Variants in SIMC1 observed in about 807,000 individuals in gnomAD.
SIMC1 encodes SUMO-interacting motif-containing protein 1.
SIMC1 carries 55 observed loss-of-function variants against 82.3 expected under a neutral mutation model. The ratio of observed to expected loss-of-function variants is 0.67; its 90% confidence interval spans 0.54 to 0.84. The LOEUF (loss-of-function observed/expected upper bound fraction) is 0.84. Among genes scored for constraint, SIMC1 ranks in the 40% least tolerant of loss-of-function variants. SIMC1 has a pLI of 0.00. For missense variants in SIMC1, 915 were observed against 1,107.2 expected (o/e 0.83, Z 2.46); for synonymous variants, 353 against 426.3 (o/e 0.83, Z 2.12).
At chr5:176,288,482 T>C (rs1201638156) in intron 1 of SIMC1, among the ~76,000 whole-genome samples, 1 of 150,484 alleles carries the variant, frequency 6.6e-6, no homozygotes, top group Non-Finnish European at 1.5e-5. Flanking sequence ...TGATGTTGCA[T>C]TTTAGCAGTT....
intron 1 of SIMC1, among the ~76,000 whole-genome samples, chr5:176,283,918 T>G (rs1397299835): frequency 1.3e-5 from 2 of 151,904 alleles, no homozygotes; most frequent in East Asian, 1.9e-4. Flanking sequence ...AAGATAAAAA[T>G]AGACAAAGAA....
At chr5:176,308,076 T>TGGTGCAGGC in intron 4 of SIMC1, 1 of 730,688 alleles carries the variant, frequency 1.4e-6, no homozygotes, top group African/African-American at 1.7e-5. Context: ...GCAGTGCAGG[T>TGGTGCAGGC]GGTGCAGGCG....
intron 3 of SIMC1, 93 bp downstream of exon 3, chr5:176,295,355 G>A (rs935725067): frequency 4.7e-6 from 7 of 1,475,040 alleles, no homozygotes; most frequent in African/African-American, 3.0e-5. Flanking sequence ...TAACCTAACC[G>A]TTACAGTGGG....
chr5:176,281,303 T>C (rs1431991563), intron 1 of SIMC1, among the ~76,000 whole-genome samples: 1 of 152,238 alleles, frequency 6.6e-6, no homozygotes, highest in Non-Finnish European at 1.5e-5. Context: ...AGCACTTCTC[T>C]GTATTGGTTA....
intron 1 of SIMC1, among the ~76,000 whole-genome samples, chr5:176,253,679 T>G (rs927334966): frequency 2.6e-5 from 4 of 152,176 alleles, no homozygotes; most frequent in Non-Finnish European, 5.9e-5. Context: ...TCAAGCTAAG[T>G]TTACCTGGAG....
chr5:176,335,173 C>G (rs1346242400), intron 7 of SIMC1, among the ~76,000 whole-genome samples: 2 of 149,968 alleles, frequency 1.3e-5, no homozygotes, highest in South Asian at 4.2e-4. Flanking sequence ...TGGTTGTTTT[C>G]TATATTTCCT....
chr5:176,312,958 TAGA>T (rs1386278070), intron 4 of SIMC1: 1 of 153,890 alleles, frequency 6.5e-6, no homozygotes, highest in African/African-American at 2.4e-5. Context: ...CCGTGTAAAC[TAGA>T]AGGACAGTAA....
chr5:176,317,801 A>G (rs1764981999), intron 5 of SIMC1, among the ~76,000 whole-genome samples: 1 of 152,006 alleles, frequency 6.6e-6, no homozygotes. Context: ...TTCAACCCCA[A>G]ATTCTCTCCT....
rs138498372 is a variant in SIMC1, at chr5:176,330,943, G to A, written c.2172-5777G>A. Among the ~76,000 whole-genome samples the A allele has an allele frequency of 5.9e-5, 9 of 152,216 alleles. No individual in the cohort carries two copies. In the East Asian group the frequency reaches 1.7e-3, roughly 29 times the overall value. ...AGTGATCAAAGTTCACACCAACAAT[G>A]GGACAAATTGATGTCATGTGCCTTT... On this transcript the variant is annotated intron_variant, in intron 7 of 9. Transcript: ENST00000429602.
chr5:176,271,524 A>C (rs1762426786), intron 1 of SIMC1, among the ~76,000 whole-genome samples: 1 of 152,176 alleles, frequency 6.6e-6, no homozygotes, highest in Non-Finnish European at 1.5e-5. Flanking sequence ...GAGAGCTAAA[A>C]ATTAGACTCA....
chr5:176,251,562 C>T (rs1284121178), intron 1 of SIMC1, among the ~76,000 whole-genome samples: 5 of 150,918 alleles, frequency 3.3e-5, no homozygotes, highest in Admixed American at 6.6e-5. Context: ...ATATGAAATT[C>T]TGGGTTGAAA....
chr5:176,332,452 G>A (rs907964325), intron 7 of SIMC1, among the ~76,000 whole-genome samples: 6 of 151,948 alleles, frequency 3.9e-5, no homozygotes, highest in South Asian at 4.2e-4. Flanking sequence ...CACCAGACCC[G>A]GCTAACTTTG....
rs1450227488 is a variant in SIMC1, at chr5:176,290,805, T to C, written c.1281T>C (p.Pro427=). The C allele has an allele frequency of 1.9e-6, 3 of 1,613,600 alleles. No homozygotes were observed. The South Asian group carries it at 3.3e-5, about 18-fold the overall frequency. Residue 427 remains proline, a synonymous_variant, in exon 2 of 10, where the codon CCT becomes CCC. Transcript: ENST00000429602. The part of the protein sequence containing the change: ...PARKEISLSE[P]AKPGSAHVQS... ...GAAAAGAAATATCACTGTCAGAGCC[T>C]GCCAAACCTGGGTCTGCCCACGTAC... is the stretch of plus-strand genomic sequence containing the variant.
At chr5:176,311,041 A>G (rs1764643904) in intron 4 of SIMC1, among the ~76,000 whole-genome samples, 1 of 152,236 alleles carries the variant, frequency 6.6e-6, no homozygotes, top group Admixed American at 6.5e-5. Context: ...CTAGAGAGAC[A>G]GAAAGCAGAT....
intron 2 of SIMC1, among the ~76,000 whole-genome samples, chr5:176,292,683 ACAG>A: frequency 6.6e-6 from 1 of 152,032 alleles, no homozygotes; most frequent in Non-Finnish European, 1.5e-5. Context: ...TAGCTGGGTT[ACAG>A]GTGCCCGCTA....
intron 5 of SIMC1, 69 bp downstream of exon 5, chr5:176,313,914 A>G: frequency 3.1e-6 from 5 of 1,593,182 alleles, no homozygotes; most frequent in Non-Finnish European, 4.3e-6. Context: ...GCTGAAGGCC[A>G]GAATATCAGC....
chr5:176,311,684 CAAAA>C (rs575722098), intron 4 of SIMC1, among the ~76,000 whole-genome samples: 1 of 151,650 alleles, frequency 6.6e-6, no homozygotes, highest in Non-Finnish European at 1.5e-5. Flanking sequence ...TCTAGAAAAA[CAAAA>C]AAACTTCACA....
At chr5:176,325,133 A>T (rs1283150088) in intron 7 of SIMC1, among the ~76,000 whole-genome samples, 3 of 152,166 alleles carry the variant, frequency 2.0e-5, no homozygotes, top group Non-Finnish European at 2.9e-5. Flanking sequence ...TAATCCCAGC[A>T]CTTTGGGAGG....
intron 1 of SIMC1, among the ~76,000 whole-genome samples, chr5:176,279,067 A>G (rs1221171375): frequency 6.6e-6 from 1 of 152,196 alleles, no homozygotes; most frequent in Non-Finnish European, 1.5e-5. Flanking sequence ...TCGGCTGTGA[A>G]TCCATCTGGT....
Sources: gnomAD v4.1 joint callset for allele counts (sites outside exome capture counted in the v4.1 genomes callset) on GRCh38, gnomAD v4.1.1 for gene constraint, MANE v1.5 for transcripts, NCBI Gene and HGNC (gene_info 2026-07-23, HGNC 2026-07-21) for gene names.